Variants in RPS6KA2 observed in about 807,000 individuals in gnomAD.
RPS6KA2 encodes ribosomal protein S6 kinase alpha-2.
A neutral mutation model predicts 91.8 loss-of-function variants in RPS6KA2; 42 were observed. That is an observed-to-expected ratio of 0.46 (90% confidence interval 0.36 to 0.59). The LOEUF is 0.59. Ranked by LOEUF, RPS6KA2 falls within the 20% of genes least tolerant of loss-of-function variation. The probability of loss-of-function intolerance (pLI) is 0.00; values close to 1 mark genes in which losing one functional copy is unlikely to be tolerated. For synonymous variants in RPS6KA2, 414 were observed against 393.6 expected (o/e 1.05, Z -0.61); for missense variants, 798 against 978.5 (o/e 0.82, Z 2.46).
At chr6:166,549,512 T>A (rs1424044349) in intron 1 of RPS6KA2, among the ~76,000 whole-genome samples, 1 of 152,192 alleles carries the variant, frequency 6.6e-6, no homozygotes, top group Non-Finnish European at 1.5e-5. Context: ...GTTGTATGGA[T>A]CTCCAGAAAA....
At chr6:166,707,208 C>T (rs940368778) in intron 2 of RPS6KA2, among the ~76,000 whole-genome samples, 2 of 152,204 alleles carry the variant, frequency 1.3e-5, no homozygotes, top group African/African-American at 4.8e-5. Context: ...GCCGGGGTTG[C>T]CGGGAAGGGG....
In RPS6KA2 at chr6:166,635,884, T is replaced by C. The variant is rs528727471; in HGVS notation, c.124-97100A>G. ...CTTAAGTCTGACCCTGCTCGTCTTC[T>C]GCGTCCACTCCAGGACAAGCCACCA... is the stretch of plus-strand genomic sequence containing the variant. On this transcript the variant is annotated intron_variant, in intron 2 of 21. Transcript: ENST00000503859. This position sits in a 1 kb window ranked among gnomAD's most constrained non-coding sequence, Gnocchi z 4.8. Among the ~76,000 whole-genome samples, 2 of 152,278 alleles carry C rather than the reference T, an allele frequency of 1.3e-5. No individual in the cohort carries two copies. The highest frequency in any genetic ancestry group is 3.9e-4 in the East Asian group (2 of 5,178).
intron 10 of RPS6KA2, among the ~76,000 whole-genome samples, chr6:166,478,802 T>C (rs1469618543): frequency 2.0e-5 from 3 of 152,134 alleles, no homozygotes; most frequent in African/African-American, 7.2e-5. Flanking sequence ...TGTTTACTCG[T>C]CAGACCCATT....
At chr6:166,499,259 A>G (rs947779189) in intron 7 of RPS6KA2, among the ~76,000 whole-genome samples, 1 of 152,192 alleles carries the variant, frequency 6.6e-6, no homozygotes, top group Non-Finnish European at 1.5e-5. Context: ...ACAAGAGTGC[A>G]TTGGCTCAGG....
At chr6:166,413,019 GAGCATGGAGTGCTGTT>G in intron 20 of RPS6KA2, 132 bp from the exon 21 acceptor site, 1 of 1,000,546 alleles carries the variant, frequency 1.0e-6, no homozygotes, top group Non-Finnish European at 1.4e-6. Flanking sequence ...AGGGTCCCTG[GAGCATGGAGTGCTGTT>G]AGCCTGCCGC....
At chr6:166,730,644 T>C (rs1189393745) in intron 2 of RPS6KA2, among the ~76,000 whole-genome samples, 1 of 152,238 alleles carries the variant, frequency 6.6e-6, no homozygotes. Flanking sequence ...TAAATTCTTC[T>C]CTATAAACAT....
intron 1 of RPS6KA2, among the ~76,000 whole-genome samples, chr6:166,568,408 ATTCGAGACCAGCC>A: frequency 6.6e-6 from 1 of 152,202 alleles, no homozygotes; most frequent in East Asian, 1.9e-4. Context: ...GAGATCAGGA[ATTCGAGACCAGCC>A]TGGCCAACAT....
rs1467366025 is a variant in RPS6KA2, at chr6:166,613,808, T to TCCACGGCC, written c.99+13112_99+13113insGGCCGTGG. 3.3e-4 allele frequency among the ~76,000 whole-genome samples: 49 copies of TCCACGGCC among 149,778 alleles called. 2 individuals carry two copies. The highest frequency in any genetic ancestry group is 4.9e-4 in the African/African-American group (20 of 40,904). On this transcript the variant is annotated intron_variant, in intron 1 of 20. Coordinates refer to ENST00000265678, the MANE Select transcript of RPS6KA2 (RefSeq NM_021135.6). ...CGGCCTTCAGGACACAGTCGGGCTT[T>TCCACGGCC]TCACGGCCTTCAGGACACAGTCGGG...
At chr6:166,647,849 CGCACAT>C (rs1562362517) in intron 2 of RPS6KA2, among the ~76,000 whole-genome samples, 7 of 123,532 alleles carry the variant, frequency 5.7e-5, no homozygotes, top group African/African-American at 9.1e-5. Context: ...CACACGCACA[CGCACAT>C]GCTCATACAC....
In RPS6KA2 at chr6:166,433,166, C is replaced by T. The variant is rs1057480143; in HGVS notation, c.1333-676G>A. 2.0e-5 allele frequency among the ~76,000 whole-genome samples: 3 copies of T among 152,156 alleles called. No homozygotes were observed. Among genetic ancestry groups the T allele is most frequent in the Non-Finnish European group, 4.4e-5 (3 of 68,020 alleles). ...CAAGCCTCCAGCCACTGTGCACCTT[C>T]TGCCTTGTTCCGGGAATTACAAACC... On this transcript the variant is annotated intron_variant, in intron 14 of 20. Transcript: ENST00000265678. This position sits in a 1 kb window ranked among gnomAD's most constrained non-coding sequence, Gnocchi z 4.4.
At chr6:166,772,674 C>G (rs1778507898) in intron 2 of RPS6KA2, among the ~76,000 whole-genome samples, 1 of 152,228 alleles carries the variant, frequency 6.6e-6, no homozygotes, top group African/African-American at 2.4e-5. Context: ...GACCTACTCT[C>G]AGGGCAACCA....
chr6:166,775,640 G>C (rs1778596039), intron 2 of RPS6KA2, among the ~76,000 whole-genome samples: 1 of 152,234 alleles, frequency 6.6e-6, no homozygotes, highest in African/African-American at 2.4e-5. Flanking sequence ...ATTTCTGTCA[G>C]TTCTGAAGTA....
At chr6:166,506,989 G>T (rs1782250629) in intron 5 of RPS6KA2, among the ~76,000 whole-genome samples, 1 of 152,264 alleles carries the variant, frequency 6.6e-6, no homozygotes, top group Admixed American at 6.5e-5. Context: ...AGGGTGCAGT[G>T]AAGTTGCATC....
At chr6:166,656,514 C>A (rs1399770230) in intron 2 of RPS6KA2, among the ~76,000 whole-genome samples, 1 of 152,252 alleles carries the variant, frequency 6.6e-6, no homozygotes, top group Non-Finnish European at 1.5e-5. Flanking sequence ...GAATGAGGAA[C>A]AGCCATTCCC....
chr6:166,587,449 T>A (rs1351202912), intron 1 of RPS6KA2, among the ~76,000 whole-genome samples: 2 of 152,166 alleles, frequency 1.3e-5, no homozygotes, highest in Non-Finnish European at 2.9e-5. Context: ...CTATGTAGAA[T>A]GAGGGGGTCC....
intron 2 of RPS6KA2, among the ~76,000 whole-genome samples, chr6:166,721,028 C>A (rs1475493657): frequency 2.0e-5 from 3 of 152,218 alleles, no homozygotes; most frequent in Admixed American, 6.5e-5. Context: ...AATGACCCCA[C>A]TAGTCTGTGT....
chr6:166,578,442 G>C (rs769760201), intron 1 of RPS6KA2, among the ~76,000 whole-genome samples: 21 of 152,178 alleles, frequency 1.4e-4, no homozygotes, highest in Non-Finnish European at 2.9e-4. Context: ...GGGTGACCAG[G>C]GGCAAGCACC....
intron 3 of RPS6KA2, among the ~76,000 whole-genome samples, chr6:166,524,867 G>A (rs992121177): frequency 5.3e-5 from 8 of 152,190 alleles, no homozygotes; most frequent in Non-Finnish European, 7.3e-5. Flanking sequence ...TCAGCTCCAG[G>A]GTCTGGACTT....
chr6:166,502,216 T>C (rs1208800973), intron 6 of RPS6KA2, among the ~76,000 whole-genome samples: 2 of 152,150 alleles, frequency 1.3e-5, no homozygotes, highest in Admixed American at 6.5e-5. Flanking sequence ...AAGTCATGTG[T>C]ATTTTTCTAC....
Sources: allele counts gnomAD v4.1 joint callset (sites outside exome capture counted in the v4.1 genomes callset), GRCh38; gene constraint gnomAD v4.1.1; non-coding constraint Gnocchi (gnomAD v3.1); transcripts MANE v1.5; gene names NCBI Gene and HGNC (gene_info 2026-07-23, HGNC 2026-07-21).